TPST1: variants seen among roughly 807,000 people sequenced by gnomAD.
TPST1 encodes tyrosylprotein sulfotransferase 1.
A neutral mutation model predicts 34.8 loss-of-function variants in TPST1; 20 were observed. The ratio of observed to expected loss-of-function variants is 0.57; its 90% confidence interval spans 0.40 to 0.84. The LOEUF is 0.84. Ranked by LOEUF, TPST1 falls within the 40% of genes least tolerant of loss-of-function variation. The pLI, the probability that TPST1 is intolerant of heterozygous loss-of-function variation, is 0.00. For missense variants in TPST1, 353 were observed against 455.5 expected (o/e 0.78, Z 2.05); for synonymous variants, 152 against 159.4 (o/e 0.95, Z 0.35).
chr7:66,246,780 A>G lies in TPST1; in HGVS notation c.845+5510A>G, dbSNP rs1790158712. Among the ~76,000 whole-genome samples, 3 of 152,198 alleles carry G rather than the reference A, an allele frequency of 2.0e-5. No individual in the cohort carries two copies. In the South Asian group the frequency reaches 6.2e-4, roughly 32 times the overall value. ...CAGGATCCAAGTTGGAGCGCCAGTC[A>G]TTTCATCTACATTCTAAGCAGCACA... On this transcript the variant is annotated intron_variant, in intron 2 of 5. Transcript: ENST00000304842.
intron 2 of TPST1, among the ~76,000 whole-genome samples, chr7:66,266,681 A>G (rs777066035): frequency 1.3e-5 from 2 of 152,250 alleles, no homozygotes; most frequent in Non-Finnish European, 2.9e-5. Context: ...TATTCATGCA[A>G]TTAGATATTA....
chr7:66,334,484 A>G (rs4623294), intron 3 of TPST1, among the ~76,000 whole-genome samples: 97,775 of 151,412 alleles, frequency 0.65, 31,933 homozygotes, highest in African/African-American at 0.74. Context: ...AAAAATACAA[A>G]CATTAGCTGG....
chr7:66,215,576 A>G (rs1261452494), intron 1 of TPST1, among the ~76,000 whole-genome samples: 4 of 151,006 alleles, frequency 2.6e-5, no homozygotes, highest in East Asian at 2.0e-4. Context: ...GGGTTTCACC[A>G]TGTTAGCCAG....
In TPST1 at chr7:66,240,617, C is replaced by G. The variant is rs1228099871; in HGVS notation, c.192C>G (p.Ala64=). Residue 64 remains alanine, a synonymous_variant, in exon 2 of 6, where the codon GCC becomes GCG. Transcript: ENST00000304842. ...GLDLKANKTF[A]YHKDMPLIFI... is the part of the protein sequence containing the mutation. The stretch of plus-strand genomic sequence containing the variant: ...ACCTCAAAGCCAACAAAACCTTTGC[C>G]TATCACAAAGATATGCCTTTAATAT... The G allele has an allele frequency of 1.4e-5, 23 of 1,614,106 alleles. No homozygotes were observed. The highest frequency in any genetic ancestry group is 1.9e-5 in the Non-Finnish European group (22 of 1,180,052).
intron 4 of TPST1, among the ~76,000 whole-genome samples, chr7:66,355,902 C>CAAAAAAA (rs573200695): frequency 1.8e-5 from 1 of 56,894 alleles, no homozygotes; most frequent in African/African-American, 7.1e-5. Flanking sequence ...AAGACTCCAT[C>CAAAAAAA]AAAAAAAAAA....
intron 1 of TPST1, among the ~76,000 whole-genome samples, chr7:66,211,606 C>G (rs1211112314): frequency 6.6e-6 from 1 of 152,182 alleles, no homozygotes; most frequent in African/African-American, 2.4e-5. Flanking sequence ...TGCAAACTGA[C>G]CAGCTGTTTC....
intron 3 of TPST1, among the ~76,000 whole-genome samples, chr7:66,346,862 G>A (rs1310029118): frequency 6.6e-6 from 1 of 151,968 alleles, no homozygotes; most frequent in Non-Finnish European, 1.5e-5. Flanking sequence ...TGCTTTGGGT[G>A]CCTGTCTTTG....
rs569370215 is a variant in TPST1 at position 66,335,581 on chromosome 7, A to G, written c.1045-16924A>G. ...CAATGTTTACCTTTCGGTGGTCACT[A>G]TAAGTCTTCCTGTCTGTGAAACAAT... On this transcript the variant is annotated intron_variant, in intron 3 of 5. Coordinates refer to ENST00000304842, the MANE Select transcript of TPST1 (RefSeq NM_003596.4). 3.3e-5 allele frequency among the ~76,000 whole-genome samples: 5 copies of G among 152,302 alleles called. No homozygotes were observed. The East Asian group carries it at 7.7e-4, about 24-fold the overall frequency.
chr7:66,258,999 G>A (rs1437891287), intron 2 of TPST1, among the ~76,000 whole-genome samples: 4 of 152,136 alleles, frequency 2.6e-5, no homozygotes, highest in African/African-American at 9.7e-5. Context: ...GTGTTTTGAA[G>A]ATATTATTCC....
At chr7:66,349,741 G>A (rs898914077) in intron 3 of TPST1, among the ~76,000 whole-genome samples, 1 of 152,160 alleles carries the variant, frequency 6.6e-6, no homozygotes, top group African/African-American at 2.4e-5. Flanking sequence ...GGCCTGGAAA[G>A]TAGGGGCTGG....
chr7:66,319,989 A>G (rs1791717402), intron 3 of TPST1, among the ~76,000 whole-genome samples: 1 of 152,162 alleles, frequency 6.6e-6, no homozygotes, highest in African/African-American at 2.4e-5. Flanking sequence ...TGAATCAAAA[A>G]TCGTCCCCGC....
chr7:66,228,871 G>T (rs1789719018), intron 1 of TPST1, among the ~76,000 whole-genome samples: 1 of 151,942 alleles, frequency 6.6e-6, no homozygotes, highest in Non-Finnish European at 1.5e-5. Context: ...CCTTCCCCCA[G>T]TGTTTCCCCT....
chr7:66,244,326 C>G (rs1790105270), intron 2 of TPST1, among the ~76,000 whole-genome samples: 1 of 152,136 alleles, frequency 6.6e-6, no homozygotes, highest in African/African-American at 2.4e-5. Flanking sequence ...AATATTTAGG[C>G]AGCCTTGAAG....
chr7:66,284,740 A>G (rs1183714519), intron 2 of TPST1, among the ~76,000 whole-genome samples: 1 of 151,944 alleles, frequency 6.6e-6, no homozygotes, highest in Non-Finnish European at 1.5e-5. Flanking sequence ...TATTTTTAGT[A>G]GAGATGGGAT....
chr7:66,338,598 A>C (rs988048495), intron 3 of TPST1, among the ~76,000 whole-genome samples: 5 of 152,210 alleles, frequency 3.3e-5, no homozygotes, highest in African/African-American at 1.2e-4. Flanking sequence ...AGTTTTAACA[A>C]ATTTTTAAAA....
chr7:66,341,626 G>A (rs1018480152), intron 3 of TPST1, among the ~76,000 whole-genome samples: 1 of 152,176 alleles, frequency 6.6e-6, no homozygotes, highest in African/African-American at 2.4e-5. Flanking sequence ...AAGGCTGGCT[G>A]AGAAAGCACA....
intron 3 of TPST1, among the ~76,000 whole-genome samples, chr7:66,336,716 T>C (rs2116305128): frequency 6.6e-6 from 1 of 152,158 alleles, no homozygotes; most frequent in Non-Finnish European, 1.5e-5. Flanking sequence ...GTCCCAAATC[T>C]AGAGAAAGAT....
At chr7:66,286,037 A>G (rs1327933206) in intron 2 of TPST1, among the ~76,000 whole-genome samples, 3 of 152,210 alleles carry the variant, frequency 2.0e-5, no homozygotes, top group Non-Finnish European at 4.4e-5. Flanking sequence ...AGAAGAATTG[A>G]AAGACTTATA....
intron 3 of TPST1, among the ~76,000 whole-genome samples, chr7:66,319,974 T>C (rs548885278): frequency 1.3e-5 from 2 of 152,316 alleles, no homozygotes; most frequent in Non-Finnish European, 2.9e-5. Context: ...AGATAATCTC[T>C]GTCCTGAATC....
Sources: gnomAD v4.1 joint callset for allele counts (sites outside exome capture counted in the v4.1 genomes callset) on GRCh38, gnomAD v4.1.1 for gene constraint, MANE v1.5 for transcripts, NCBI Gene and HGNC (gene_info 2026-07-23, HGNC 2026-07-21) for gene names.